The following SLC45A2 variants were observed in gnomAD, a reference collection of about 807,000 sequenced individuals.
The protein encoded by SLC45A2 is solute carrier family 45 member 2.
A neutral mutation model predicts 45.5 loss-of-function variants in SLC45A2; 36 were observed. That is an observed-to-expected ratio of 0.79 (90% CI 0.61 to 1.04). SLC45A2 has a LOEUF of 1.04. SLC45A2 is among the 50% of genes least tolerant of loss of function. SLC45A2 has a pLI of 0.00. For synonymous variants in SLC45A2, 306 were observed against 269.3 expected (o/e 1.14, Z -1.33); for missense variants, 719 against 671.0 (o/e 1.07, Z -0.79).
At chr5:33,971,918 C>T (rs1181767314) in intron 2 of SLC45A2, 9 of 373,902 alleles carry the variant, frequency 2.4e-5, no homozygotes, top group South Asian at 1.4e-4. Flanking sequence ...AGAGCTACCA[C>T]ACCCAGTTAC....
chr5:33,947,019 T>C, intron 6 of SLC45A2, 144 bp downstream of exon 6: 1 of 1,595,708 alleles, frequency 6.3e-7, no homozygotes, highest in African/African-American at 1.3e-5. Context: ...TACCAGATCA[T>C]GGTTGCAGTT....
In SLC45A2 at chr5:33,982,433, G is replaced by A. The variant is rs751342372; in HGVS notation, c.386-21C>T. Reference sequence around the variant, plus strand: ...CAAAGCTAAAAGAAAAATAAACATTGGTCTCCTAAATCCTGTTTTAGAATC... The same window carrying A: ...CAAAGCTAAAAGAAAAATAAACATTAGTCTCCTAAATCCTGTTTTAGAATC... On this transcript the variant is annotated intron_variant, in intron 1 of 6. Transcript: ENST00000296589. The A allele has an allele frequency of 3.1e-6, 5 of 1,611,480 alleles. No individual in the cohort carries two copies. In the South Asian group the frequency reaches 4.4e-5, roughly 14 times the overall value.
chr5:33,948,430 CAG>C (rs765007134), intron 5 of SLC45A2, among the ~76,000 whole-genome samples: 1 of 151,908 alleles, frequency 6.6e-6, no homozygotes, highest in South Asian at 2.1e-4. Context: ...ACACAAGAAT[CAG>C]AGGATAAATA....
intron 2 of SLC45A2, among the ~76,000 whole-genome samples, chr5:33,976,848 AG>A (rs913809383): frequency 6.6e-6 from 1 of 152,200 alleles, no homozygotes; most frequent in Non-Finnish European, 1.5e-5. Context: ...GAGAGAGAAA[AG>A]CATGTGTGCT....
In SLC45A2 at chr5:33,972,214, A is replaced by G. The variant is rs375701264; in HGVS notation, c.563-8198T>C. On this transcript the variant is annotated intron_variant, in intron 2 of 6. Transcript: ENST00000296589. ...GTTGTTGGTTTTCCAAGGGTACTTC[A>G]GCTGACAGAGAGATTCAGAGAACTT... The G allele has an allele frequency of 2.9e-4, 154 of 525,716 alleles. 1 individual carries two copies. Among genetic ancestry groups the G allele is most frequent in the South Asian group, 2.1e-3 (148 of 70,206 alleles). The allele number at this position is 525,716 out of a possible 1,614,324, so 32.6% of individuals were successfully genotyped here.
intron 2 of SLC45A2, among the ~76,000 whole-genome samples, chr5:33,969,068 T>C (rs1267945284): frequency 2.0e-5 from 3 of 149,022 alleles, no homozygotes; most frequent in Non-Finnish European, 4.5e-5. Context: ...TCTCTCTCTG[T>C]GTGTGTGTGT....
At chr5:33,982,855 A>T (rs1217172561) in intron 1 of SLC45A2, among the ~76,000 whole-genome samples, 1 of 152,240 alleles carries the variant, frequency 6.6e-6, no homozygotes, top group African/African-American at 2.4e-5. Flanking sequence ...CAATTCTATT[A>T]AAAAAGCTGA....
intron 2 of SLC45A2, among the ~76,000 whole-genome samples, chr5:33,975,724 C>G (rs954401819): frequency 3.9e-5 from 6 of 152,182 alleles, no homozygotes; most frequent in African/African-American, 1.4e-4. Context: ...ACATGACCAA[C>G]TCCCAGCAAA....
intron 2 of SLC45A2, among the ~76,000 whole-genome samples, chr5:33,977,363 CCTCAATGGT>C: frequency 6.6e-6 from 1 of 152,232 alleles, no homozygotes; most frequent in African/African-American, 2.4e-5. Flanking sequence ...TCAACTGCAG[CCTCAATGGT>C]CTCTTCCTGA....
rs1751936126 is a variant in SLC45A2, at chr5:33,946,623, C to G, written c.1368+540G>C. 5 of 1,007,972 alleles carry G rather than the reference C, an allele frequency of 5.0e-6. No individual in the cohort carries two copies. In the East Asian group the frequency reaches 3.0e-4, roughly 60 times the overall value. 62.4% of individuals were successfully genotyped at this position (1,007,972 alleles called of 1,614,324 possible). A position where few individuals can be genotyped will look rare whatever the true frequency, so the allele number is the denominator to read the frequency against. ...AGGGCAGCAAAGTGGGGATTACCAC[C>G]CATGATTCCAGCTTTCCTTCTCACA... On this transcript the variant is annotated intron_variant, in intron 6 of 6. Coordinates refer to ENST00000296589, the MANE Select transcript of SLC45A2 (RefSeq NM_016180.5).
intron 4 of SLC45A2, 123 bp from the exon 5 acceptor site, chr5:33,951,800 C>T: frequency 1.7e-6 from 2 of 1,186,990 alleles, no homozygotes; most frequent in Non-Finnish European, 2.5e-6. Context: ...TTCTAGAGTA[C>T]AGAGCTGATG....
At chr5:33,968,030 C>T (rs1329421524) in intron 2 of SLC45A2, among the ~76,000 whole-genome samples, 1 of 151,390 alleles carries the variant, frequency 6.6e-6, no homozygotes, top group East Asian at 1.9e-4. Flanking sequence ...GTAGTTGTAG[C>T]TGCAAGTTAG....
intron 2 of SLC45A2, among the ~76,000 whole-genome samples, chr5:33,979,105 G>A (rs1224430722): frequency 6.6e-6 from 1 of 152,234 alleles, no homozygotes; most frequent in Non-Finnish European, 1.5e-5. Flanking sequence ...ACCATGGCCT[G>A]TGACGCAGCT....
At chr5:33,975,033 G>A (rs1040269263) in intron 2 of SLC45A2, among the ~76,000 whole-genome samples, 42 of 150,096 alleles carry the variant, frequency 2.8e-4, no homozygotes, top group African/African-American at 1.0e-3. Context: ...AACAAAGTGA[G>A]AGACTCCACT....
chr5:33,951,668 G>A lies in SLC45A2; in HGVS notation c.1042C>T (p.Arg348Cys), dbSNP rs372465070. The change falls in exon 5 of 7, where the codon CGC becomes TGC. Residue 348 changes from arginine (R) to cysteine (C), a missense_variant. Coordinates refer to ENST00000296589, the MANE Select transcript of SLC45A2 (RefSeq NM_016180.5). ...FTDFMGQIVYRGDPYSAHNST... is the reference protein window; with the variant it reads ...FTDFMGQIVYCGDPYSAHNST... ...TTGTGTGCACTATAGGGATCCCCGC[G>A]GTACACAATCTGAAAGAGAGATTGG... 1.8e-5 allele frequency: 29 copies of A among 1,614,016 alleles called. No homozygotes were observed. Among genetic ancestry groups the A allele is most frequent in the South Asian group, 3.3e-5 (3 of 91,088 alleles).
At chr5:33,964,139 TGGAAAAGCAA>T in intron 2 of SLC45A2, 123 bp from the exon 3 acceptor site, 1 of 947,056 alleles carries the variant, frequency 1.1e-6, no homozygotes, top group Non-Finnish European at 1.7e-6. Context: ...TGGATATAAT[TGGAAAAGCAA>T]TACAGCAAGA....
Position 33,944,890 on chromosome 5 carries a change from A to G in SLC45A2, c.1369-18T>C, listed in dbSNP as rs778998817. The G allele has an allele frequency of 3.7e-6, 6 of 1,601,874 alleles. No individual in the cohort carries two copies. Among genetic ancestry groups the G allele is most frequent in the Non-Finnish European group, 5.1e-6 (6 of 1,174,216 alleles). On this transcript the variant is annotated intron_variant, in intron 6 of 6. Transcript: ENST00000296589. ...TGCTGCCTCTGCAAAGGAAGCACAG[A>G]ACCACCATTTGACCTACAAGGAACT...
At chr5:33,945,040 G>A (rs1007529616) in intron 6 of SLC45A2, among the ~76,000 whole-genome samples, 168 bp from the exon 7 acceptor site, 11 of 152,212 alleles carry the variant, frequency 7.2e-5, no homozygotes, top group African/African-American at 2.7e-4. Flanking sequence ...GCAAAAGCAG[G>A]GGCAATGTGG....
intron 5 of SLC45A2, 148 bp downstream of exon 5, chr5:33,951,406 T>C (rs1752090766): frequency 4.4e-6 from 7 of 1,579,784 alleles, no homozygotes; most frequent in Non-Finnish European, 6.0e-6. Context: ...ATATGGTCCT[T>C]TTTAAGGTGA....
Sources: gnomAD v4.1 joint callset for allele counts (sites outside exome capture counted in the v4.1 genomes callset) on GRCh38, gnomAD v4.1.1 for gene constraint, MANE v1.5 for transcripts, NCBI Gene and HGNC (gene_info 2026-07-23, HGNC 2026-07-21) for gene names.